Variants in CUX1 observed in about 807,000 individuals in gnomAD.
The protein encoded by CUX1 is protein CASP.
A neutral mutation model predicts 158.8 loss-of-function variants in CUX1; 31 were observed. The ratio of observed to expected loss-of-function variants is 0.20; its 90% CI spans 0.15 to 0.26. The LOEUF (loss-of-function observed/expected upper bound fraction) is 0.26, where lower values mean the gene tolerates loss of function less well. CUX1 is among the 10% of genes least tolerant of loss of function. The pLI is 1.00. For synonymous variants in CUX1, 879 were observed against 862.1 expected (o/e 1.02, Z -0.34); for missense variants, 1,589 against 2,014.6 (o/e 0.79, Z 4.04).
chr7:102,279,346 A>C (rs1205688429), intron 18 of CUX1, among the ~76,000 whole-genome samples: 1 of 152,168 alleles, frequency 6.6e-6, no homozygotes, highest in African/African-American at 2.4e-5. Flanking sequence ...GTCTCAAATA[A>C]ATAAATAAGC....
At chr7:102,208,318 A>G (rs143523906) in intron 20 of CUX1, among the ~76,000 whole-genome samples, 4,087 of 152,266 alleles carry the variant, frequency 0.027, 209 homozygotes, top group African/African-American at 0.094. Flanking sequence ...ATCTCAGCTC[A>G]CTGCAACCTC....
At position 102,250,409 on chromosome 7, in the gene CUX1, C is replaced by T. The variant is rs977723593; in HGVS notation, c.*1367C>T. 5 of 985,496 alleles carry T rather than the reference C, an allele frequency of 5.1e-6. No homozygotes were observed. The South Asian group carries it at 1.4e-4, about 28-fold the overall frequency. The allele number at this position is 985,496 out of a possible 1,614,324, so 61.0% of individuals were successfully genotyped here. ...TCCTGGATACCTGATGAACTGAGCC[C>T]TCCCAGGGGAAGACACTCCCCAGGC... On this transcript the variant is annotated 3_prime_UTR_variant, in exon 24 of 24. Coordinates refer to ENST00000292535, the MANE Select transcript of CUX1 (RefSeq NM_181552.4).
At chr7:101,937,181 G>A (rs1011601955) in intron 2 of CUX1, among the ~76,000 whole-genome samples, 3 of 152,126 alleles carry the variant, frequency 2.0e-5, no homozygotes, top group Non-Finnish European at 4.4e-5. Context: ...TGTGTGCTGC[G>A]TGGCCCCCTG....
At chr7:102,174,443 C>T (rs1197458191) in intron 10 of CUX1, among the ~76,000 whole-genome samples, 2 of 152,140 alleles carry the variant, frequency 1.3e-5, no homozygotes, top group Non-Finnish European at 2.9e-5. Context: ...AAGGCCACCT[C>T]TTCCTCTCTC....
At chr7:101,960,525 C>T (rs1347446538) in intron 2 of CUX1, 2 of 152,244 alleles carry the variant, frequency 1.3e-5, no homozygotes, top group Admixed American at 6.5e-5. Flanking sequence ...ATCCCAGATA[C>T]AGCTACTTCG....
At chr7:102,160,866 C>T (rs1790356062) in intron 9 of CUX1, among the ~76,000 whole-genome samples, 1 of 152,128 alleles carries the variant, frequency 6.6e-6, no homozygotes, top group Non-Finnish European at 1.5e-5. Flanking sequence ...GGATTCATTG[C>T]ACAACCACGT....
At chr7:102,198,272 A>T (rs1328911994) in intron 15 of CUX1, among the ~76,000 whole-genome samples, 3 of 152,188 alleles carry the variant, frequency 2.0e-5, no homozygotes, top group African/African-American at 7.2e-5. Flanking sequence ...ATAAAAAAAC[A>T]AAAAAGAAAG....
chr7:102,174,446 CCT>C (rs1554511238), intron 10 of CUX1, among the ~76,000 whole-genome samples: 1 of 152,116 alleles, frequency 6.6e-6, no homozygotes, highest in African/African-American at 2.4e-5. Flanking sequence ...GCCACCTCTT[CCT>C]CTCTCTGATT....
At chr7:101,994,370 G>A (rs1317893248) in intron 2 of CUX1, among the ~76,000 whole-genome samples, 3 of 152,200 alleles carry the variant, frequency 2.0e-5, no homozygotes, top group Admixed American at 6.5e-5. Flanking sequence ...TTGGGAGGCC[G>A]AGGTGGGCAG....
intron 8 of CUX1, among the ~76,000 whole-genome samples, chr7:102,116,830 G>T (rs1831487343): frequency 6.6e-6 from 1 of 152,110 alleles, no homozygotes. Flanking sequence ...AGGCCGAGGG[G>T]TGTGGTGTGC....
chr7:102,039,896 A>G lies in CUX1; in HGVS notation c.189+11751A>G, dbSNP rs566717000. Among the ~76,000 whole-genome samples the G allele has an allele frequency of 7.2e-4, 109 of 152,194 alleles. 1 individual carries two copies. Among genetic ancestry groups the G allele is most frequent in the African/African-American group, 2.6e-3 (109 of 41,546 alleles). Reference sequence around the variant, plus strand: ...TTTCATCACAGTATCACCTGCTGACATGGCCTGAGGGAGGGACCAAGGAAT... The same window carrying G: ...TTTCATCACAGTATCACCTGCTGACGTGGCCTGAGGGAGGGACCAAGGAAT... On this transcript the variant is annotated intron_variant, in intron 3 of 23. Coordinates refer to ENST00000292535, the MANE Select transcript of CUX1 (RefSeq NM_181552.4).
At chr7:101,870,205 GT>G (rs1798374289) in intron 1 of CUX1, among the ~76,000 whole-genome samples, 1 of 119,692 alleles carries the variant, frequency 8.4e-6, no homozygotes, top group Non-Finnish European at 1.7e-5. Context: ...CCAGACCGTT[GT>G]ACAGTGGCAC....
chr7:101,839,450 T>G (rs1794986024), intron 1 of CUX1, among the ~76,000 whole-genome samples: 2 of 152,210 alleles, frequency 1.3e-5, no homozygotes, highest in South Asian at 2.1e-4. Flanking sequence ...CTGCCCCACT[T>G]ACTCCCCCAC....
intron 1 of CUX1, among the ~76,000 whole-genome samples, chr7:101,893,165 T>TTTTC (rs1801077186): frequency 3.3e-5 from 3 of 90,004 alleles, no homozygotes; most frequent in African/African-American, 4.4e-5. Flanking sequence ...TTACTTTTTT[T>TTTTC]TTTTTTTTTT....
intron 2 of CUX1, among the ~76,000 whole-genome samples, chr7:101,948,673 G>A (rs750170216): frequency 3.3e-5 from 5 of 152,074 alleles, no homozygotes; most frequent in African/African-American, 1.2e-4. Context: ...TGGCTCTGCT[G>A]GGGGGGCATC....
chr7:102,063,953 C>T lies in CUX1; in HGVS notation c.190-6386C>T, dbSNP rs181371742. Among the ~76,000 whole-genome samples, 181 of 152,242 alleles carry T rather than the reference C, an allele frequency of 1.2e-3. 1 individual carries two copies. The highest frequency in any genetic ancestry group is 2.1e-3 in the Non-Finnish European group (143 of 68,016). ...AGCCCCAGGTGGTGGTGGGAGGGGC[C>T]GCGGCTGGGAGATGGAGCTGCTCTG... On this transcript the variant is annotated intron_variant, in intron 3 of 23. Transcript: ENST00000292535.
intron 3 of CUX1, among the ~76,000 whole-genome samples, chr7:102,046,473 T>TCCA (rs1295477272): frequency 6.6e-6 from 1 of 152,010 alleles, no homozygotes; most frequent in Non-Finnish European, 1.5e-5. Context: ...CTTCAAGTGA[T>TCCA]CCACCTGCCT....
In CUX1 at chr7:101,906,948, C is replaced by A. The variant is rs369093440; in HGVS notation, c.31-9167C>A. Among the ~76,000 whole-genome samples, 4 of 152,230 alleles carry A rather than the reference C, an allele frequency of 2.6e-5. No homozygotes were observed. In the East Asian group the frequency reaches 5.8e-4, roughly 22 times the overall value. On this transcript the variant is annotated intron_variant, in intron 1 of 23. Transcript: ENST00000292535. ...GGAGGTCAGTCTCACTCTGTGGAAA[C>A]CCTGGCTTCCTGGTTCGAGATGCCC...
chr7:102,146,723 T>G (rs1554502156), intron 8 of CUX1, among the ~76,000 whole-genome samples: 1 of 151,994 alleles, frequency 6.6e-6, no homozygotes, highest in African/African-American at 2.4e-5. Flanking sequence ...CCAGCCTCCT[T>G]AGTAGCTGGG....
Sources: allele counts gnomAD v4.1 joint callset (sites outside exome capture counted in the v4.1 genomes callset), GRCh38; gene constraint gnomAD v4.1.1; transcripts MANE v1.5; gene names NCBI Gene and HGNC (gene_info 2026-07-23, HGNC 2026-07-21).